The following SEMA6C variants were observed in gnomAD, a reference collection of about 807,000 sequenced individuals.
SEMA6C encodes the protein semaphorin-6C.
SEMA6C carries 37 observed loss-of-function variants against 72.9 expected under a neutral mutation model. The observed-to-expected ratio is 0.51, with a 90% CI of 0.39 to 0.67. The LOEUF (loss-of-function observed/expected upper bound fraction) is 0.67. Ranked by LOEUF, SEMA6C falls within the 30% of genes least tolerant of loss-of-function variation. The pLI, the probability that SEMA6C is intolerant of heterozygous loss-of-function variation, is 0.00. For missense variants in SEMA6C, 1,189 were observed against 1,263.6 expected, an observed-to-expected ratio of 0.94 and a Z score of 0.89; for synonymous variants, 578 against 554.1, an observed-to-expected ratio of 1.04 and a Z score of -0.61.
chr1:151,142,683 G>A lies in SEMA6C; in HGVS notation c.-54-8C>T. ...CTCACCCATAAGCCGGCCCTGAAAG[G>A]GGAGACAGGGAAAAGTGGGGGAGGA... is the stretch of plus-strand genomic sequence containing the variant. On this transcript the variant is annotated splice_polypyrimidine_tract_variant and splice_region_variant and intron_variant, in intron 2 of 18. Coordinates refer to ENST00000368914, the MANE Select transcript of SEMA6C (RefSeq NM_030913.6). 1 of 1,417,576 alleles carries A rather than the reference G, an allele frequency of 7.1e-7. No individual in the cohort carries two copies. The highest frequency in any genetic ancestry group is 1.5e-5 in the South Asian group (1 of 67,526). 87.8% of individuals were successfully genotyped at this position (1,417,576 alleles called of 1,614,324 possible).
chr1:151,143,979 A>G (rs962444244), intron 2 of SEMA6C, among the ~76,000 whole-genome samples: 1 of 151,054 alleles, frequency 6.6e-6, no homozygotes, highest in Non-Finnish European at 1.5e-5. Context: ...CCCACCCCCA[A>G]TCCAGCATCA....
rs116569776 is a variant in SEMA6C at position 151,134,757 on chromosome 1, G to A, written c.1658+41C>T. 2.0e-3 allele frequency: 3,254 copies of A among 1,612,262 alleles called. 66 individuals carry two copies. The African/African-American group carries it at 0.039, about 19-fold the overall frequency. On this transcript the variant is annotated intron_variant, in intron 16 of 18. Coordinates refer to ENST00000368914, the MANE Select transcript of SEMA6C (RefSeq NM_030913.6). The stretch of plus-strand genomic sequence containing the variant: ...TGGCCCTCAGCTTGTCTTATTGGTG[G>A]GGAATTTTATGCTCAGGAAACCCAA...
Position 151,135,297 on chromosome 1 carries a change from C to A in SEMA6C, c.1446G>T (p.Lys482Asn). Residue 482 changes from lysine (K) to asparagine (N), a missense_variant, in exon 15 of 19, where the codon AAG becomes AAT. Lys to Asn is a moderately conservative substitution (Grantham distance 94). Transcript: ENST00000368914. ...TCCGTCGTGCTGTTTGGGCTGTCCG[C>A]TTCCCACTGCACCTAGGGTGAGGCC... ...DAYSPARCSGKRTAQTARRII... is the reference protein window; with the variant it reads ...DAYSPARCSGNRTAQTARRII... 6.2e-7 allele frequency: 1 copy of A among 1,613,758 alleles called. No homozygotes were observed. The highest frequency in any genetic ancestry group is 8.5e-7 in the Non-Finnish European group (1 of 1,179,788).
Position 151,137,571 on chromosome 1 carries a change from G to A in SEMA6C, c.756+140C>T. 5.7e-6 allele frequency: 4 copies of A among 704,082 alleles called. No homozygotes were observed. In the South Asian group the frequency reaches 7.8e-5, roughly 14 times the overall value. The allele number at this position is 704,082 out of a possible 1,614,324, so 43.6% of individuals were successfully genotyped here. On this transcript the variant is annotated intron_variant, in intron 10 of 18. Transcript: ENST00000368914. Reference sequence around the variant, plus strand: ...GCAGGATGTGGGGTCAGAGGGCTTGGGGCTATTCCAAGTTGAGGGGTGAGA... The same window carrying A: ...GCAGGATGTGGGGTCAGAGGGCTTGAGGCTATTCCAAGTTGAGGGGTGAGA...
chr1:151,134,111 C>G, intron 18 of SEMA6C: 1 of 1,256,980 alleles, frequency 8.0e-7, no homozygotes, highest in Non-Finnish European at 1.1e-6. Flanking sequence ...ACCCCTGACA[C>G]CCTTCCAGGG....
Position 151,135,551 on chromosome 1 carries a change from CT to C in SEMA6C, c.1433+39del, listed in dbSNP as rs746740947. 1.9e-6 allele frequency: 3 copies of C among 1,585,336 alleles called. No homozygotes were observed. In the East Asian group the frequency reaches 6.7e-5, roughly 35 times the overall value. On this transcript the variant is annotated intron_variant, in intron 14 of 18. Transcript: ENST00000368914. ...ATCTGCAGCTGCTACCTCCCATCCC[CT>C]CCCTGCTTTGCAGGGGGCCTGCCCT... is the stretch of plus-strand genomic sequence containing the variant.
At chr1:151,136,692 T>C (rs1572030536) in intron 11 of SEMA6C, 113 bp from the exon 12 acceptor site, 1 of 1,438,972 alleles carries the variant, frequency 6.9e-7, no homozygotes, top group African/African-American at 1.4e-5. Context: ...ACTGAGGAGG[T>C]GGGGCAGCCA....
At chr1:151,136,184 G>C (rs770910992) in intron 12 of SEMA6C, 21 bp from the exon 13 acceptor site, 144 of 1,612,404 alleles carry the variant, frequency 8.9e-5, no homozygotes, top group Non-Finnish European at 1.2e-4. Flanking sequence ...AATGGGAAGG[G>C]GCTGCCTTTG....
intron 10 of SEMA6C, 97 bp from the exon 11 acceptor site, chr1:151,137,171 C>T (rs1182086706): frequency 2.4e-5 from 26 of 1,062,708 alleles, no homozygotes; most frequent in East Asian, 7.2e-5. Flanking sequence ...AGGGGCTGGG[C>T]GCGGTGGCTC....
rs1681782682 is a variant in SEMA6C, at chr1:151,133,759, T to G, written c.1760-242A>C. Among the ~76,000 whole-genome samples the G allele has an allele frequency of 2.0e-5, 3 of 152,070 alleles. No individual in the cohort carries two copies. Among genetic ancestry groups the G allele is most frequent in the Admixed American group, 2.0e-4 (3 of 15,284 alleles). ...GCCTGGGGATTCCCCATCCCACTTC[T>G]GGCCCCTGTAGCCATGCCAAGAGCA... is the stretch of plus-strand genomic sequence containing the variant. On this transcript the variant is annotated intron_variant, in intron 18 of 18. Coordinates refer to ENST00000368914, the MANE Select transcript of SEMA6C (RefSeq NM_030913.6). This position sits in a 1 kb window ranked among gnomAD's most constrained non-coding sequence, Gnocchi z 5.9.
At chr1:151,139,025 G>A (rs1186296342) in intron 6 of SEMA6C, among the ~76,000 whole-genome samples, 7 of 151,572 alleles carry the variant, frequency 4.6e-5, no homozygotes, top group African/African-American at 1.2e-4. Context: ...CCACGGAGGC[G>A]GAGGTTGCAG....
intron 10 of SEMA6C, 34 bp downstream of exon 10, chr1:151,137,677 C>T: frequency 6.3e-7 from 1 of 1,576,870 alleles, no homozygotes; most frequent in Non-Finnish European, 8.7e-7. Context: ...CAGCAGAACC[C>T]TCCAGCTACC....
At position 151,133,606 on chromosome 1, in the gene SEMA6C, G is replaced by A. The variant is rs1681766204; in HGVS notation, c.1760-89C>T. 7.0e-7 allele frequency: 1 copy of A among 1,434,136 alleles called. No individual in the cohort carries two copies. Among genetic ancestry groups the A allele is most frequent in the South Asian group, 1.5e-5 (1 of 67,460 alleles). The allele number at this position is 1,434,136 out of a possible 1,614,324, so 88.8% of individuals were successfully genotyped here. On this transcript the variant is annotated intron_variant, in intron 18 of 18. Coordinates refer to ENST00000368914, the MANE Select transcript of SEMA6C (RefSeq NM_030913.6). This position sits in a 1 kb window ranked among gnomAD's most constrained non-coding sequence, Gnocchi z 5.9. Reference sequence around the variant, plus strand: ...AGAGGCGCCGGCAGTTCCCAGGCCTGACATCATCGTCCCTCCCGCTGCTAC... The same window carrying A: ...AGAGGCGCCGGCAGTTCCCAGGCCTAACATCATCGTCCCTCCCGCTGCTAC...
intron 2 of SEMA6C, among the ~76,000 whole-genome samples, chr1:151,143,199 G>A (rs1404905596): frequency 2.6e-5 from 4 of 152,192 alleles, no homozygotes; most frequent in African/African-American, 9.7e-5. Context: ...TTCTAGAGTT[G>A]AGGAAGACAC....
At position 151,134,838 on chromosome 1, in the gene SEMA6C, G is replaced by C; in HGVS notation, c.1618C>G (p.His540Asp). The C allele has an allele frequency of 6.2e-7, 1 of 1,614,140 alleles. No individual in the cohort carries two copies. The highest frequency in any genetic ancestry group is 8.5e-7 in the Non-Finnish European group (1 of 1,179,998). The change falls in exon 16 of 19, where the codon CAT becomes GAT. Residue 540 changes from histidine to aspartate, a missense_variant. By Grantham distance (81) the His-to-Asp change is moderately conservative. Transcript: ENST00000368914. ...LASQDPYCGWHSSRGCVDIRG... is the reference protein window; with the variant it reads ...LASQDPYCGWDSSRGCVDIRG... ...ATATCCACACAGCCCCTGGAGCTAT[G>C]CCATCCACAGTATGGGTCCTGAGAA...
intron 14 of SEMA6C, 89 bp from the exon 15 acceptor site, chr1:151,135,398 C>A: frequency 2.0e-6 from 3 of 1,534,160 alleles, no homozygotes; most frequent in Non-Finnish European, 2.6e-6. Flanking sequence ...GGGAGGCACA[C>A]AAGCAACTGA....
chr1:151,134,364 G>A (rs1394496828), intron 18 of SEMA6C, 37 bp downstream of exon 18: 1 of 1,552,338 alleles, frequency 6.4e-7, no homozygotes. Flanking sequence ...TATGTGGGCT[G>A]AGCAAGGGAA....
In SEMA6C at chr1:151,134,824, GCCC is replaced by G. The variant is rs1681886552; in HGVS notation, c.1629_1631del (p.Arg543_Gly544delinsSer). 6.2e-7 allele frequency: 1 copy of G among 1,614,006 alleles called. No homozygotes were observed. Among genetic ancestry groups the G allele is most frequent in the Admixed American group, 1.7e-5 (1 of 60,002 alleles). On this transcript the variant is annotated inframe_deletion, in exon 16 of 19. Coordinates refer to ENST00000368914, the MANE Select transcript of SEMA6C (RefSeq NM_030913.6). Reference sequence around the variant, plus strand: ...CACCAGATCCCCTGATATCCACACAGCCCCTGGAGCTATGCCATCCACAGTATG... The same window carrying G: ...CACCAGATCCCCTGATATCCACACAGCTGGAGCTATGCCATCCACAGTATG...
rs1029933053 is a variant in SEMA6C at position 151,132,147 on chromosome 1, G to C, written c.*337C>G. ...AAGGCCCGAGGACTCTGGACACAGCGCGCGCGGCCCGCCCGGGGCACAGTC... is the reference window on the plus strand; with the variant it reads ...AAGGCCCGAGGACTCTGGACACAGCCCGCGCGGCCCGCCCGGGGCACAGTC... On this transcript the variant is annotated 3_prime_UTR_variant, in exon 19 of 19. Transcript: ENST00000368914. 3.1e-5 allele frequency: 41 copies of C among 1,319,154 alleles called. No homozygotes were observed. The highest frequency in any genetic ancestry group is 3.9e-5 in the Non-Finnish European group (39 of 1,009,594). The allele number at this position is 1,319,154 out of a possible 1,614,324, so 81.7% of individuals were successfully genotyped here. A position where few individuals can be genotyped will look rare whatever the true frequency, so the allele number is the denominator to read the frequency against.
Sources: allele counts gnomAD v4.1 joint callset (sites outside exome capture counted in the v4.1 genomes callset), GRCh38; gene constraint gnomAD v4.1.1; non-coding constraint Gnocchi (gnomAD v3.1); transcripts MANE v1.5; gene names NCBI Gene and HGNC (gene_info 2026-07-23, HGNC 2026-07-21).